The following MYO15B variants were observed in gnomAD, a reference collection of about 807,000 sequenced individuals.
MYO15B encodes myosin XVB, also known as myosin XVB pseudogene.
Under a neutral mutation model 119.3 loss-of-function variants are expected in MYO15B, and 207 were observed. That is an observed-to-expected ratio of 1.73 (90% CI 1.55 to 1.95). The LOEUF (loss-of-function observed/expected upper bound fraction) is 1.95. Among genes scored for constraint, MYO15B ranks in the 30% most tolerant of loss-of-function variants. MYO15B has a pLI of 0.00. For synonymous variants in MYO15B, 966 were observed against 498.9 expected (o/e 1.94, Z -12.48); for missense variants, 2,264 against 1,203.1 (o/e 1.88, Z -13.04).
chr17:75,592,452 G>A (rs1056625217), exon 8 of MYO15B: 2 of 614,454 alleles, frequency 3.3e-6, no homozygotes, highest in Admixed American at 2.8e-5. Flanking sequence ...GAGCTTCCAT[G>A]TTTTTTACAA....
rs2057339959 is a variant in MYO15B at position 75,602,387 on chromosome 17, A to G, written c.3652-130A>G. On this transcript the variant is annotated intron_variant, in intron 15 of 63. Coordinates refer to ENST00000645453, the Ensembl canonical transcript of MYO15B. ...CCCAAGGCTAGGTAAAGGGCTGGAA[A>G]CACCAAGGCAGCCTTTCAGGTCACC... The G allele has an allele frequency of 4.3e-6, 3 of 700,988 alleles. No individual in the cohort carries two copies. In the East Asian group the frequency reaches 8.1e-5, roughly 19 times the overall value. 43.4% of individuals were successfully genotyped at this position (700,988 alleles called of 1,614,324 possible).
At chr17:75,607,077 C>T in intron 21 of MYO15B, 1 of 397,552 alleles carries the variant, frequency 2.5e-6, no homozygotes, top group Non-Finnish European at 4.4e-6. Context: ...GGTAGAGCAG[C>T]CAGTGATCTT....
rs1413812828 is a variant in MYO15B, at chr17:75,610,268, G to T, written c.4386+9G>T. 5.8e-6 allele frequency: 4 copies of T among 694,812 alleles called. No homozygotes were observed. The highest frequency in any genetic ancestry group is 5.3e-5 in the African/African-American group (3 of 56,744). 43.0% of individuals were successfully genotyped at this position (694,812 alleles called of 1,614,324 possible). A position where few individuals can be genotyped will look rare whatever the true frequency, so the allele number is the denominator to read the frequency against. ...GGCGGCAGAGACTGCAGGTGCAGGG[G>T]CTTGGGTGGGGCGGTTCAGGGTAGA... On this transcript the variant is annotated intron_variant, in intron 22 of 63. Transcript: ENST00000645453.
intron 18 of MYO15B, 25 bp from the exon 19 acceptor site, chr17:75,603,163 C>T: frequency 1.4e-6 from 1 of 703,166 alleles, no homozygotes; most frequent in South Asian, 1.5e-5. Flanking sequence ...CTCCAGCTGT[C>T]TTTGGCTCTG....
intron 9 of MYO15B, 35 bp from the exon 10 acceptor site, chr17:75,594,440 A>G: frequency 1.7e-6 from 1 of 589,152 alleles, no homozygotes; most frequent in Admixed American, 3.1e-5. Context: ...CCATTCCTGA[A>G]GCAGAGATCT....
At chr17:75,623,960 C>T (rs1598936662) in exon 55 of MYO15B, 1 of 703,028 alleles carries the variant, frequency 1.4e-6, no homozygotes, top group East Asian at 2.7e-5. Flanking sequence ...GAACACTGCA[C>T]TCGAGGCTGG....
In MYO15B at chr17:75,591,592, C is replaced by T; in HGVS notation, c.2436-9C>T. 1 of 702,860 alleles carries T rather than the reference C, an allele frequency of 1.4e-6. No homozygotes were observed. The highest frequency in any genetic ancestry group is 2.6e-6 in the Non-Finnish European group (1 of 384,924). 43.5% of individuals were successfully genotyped at this position (702,860 alleles called of 1,614,324 possible). A position where few individuals can be genotyped will look rare whatever the true frequency, so the allele number is the denominator to read the frequency against. ...TCCCTGGAGACCCTACCAACCAACA[C>T]ATCCTTAGCTCCTCCCACTGCAGTG... On this transcript the variant is annotated splice_polypyrimidine_tract_variant and intron_variant, in intron 4 of 63. Transcript: ENST00000645453.
Position 75,610,563 on chromosome 17 carries a change from A to T in MYO15B, c.4386+304A>T, listed in dbSNP as rs2057962163. 3 of 493,698 alleles carry T rather than the reference A, an allele frequency of 6.1e-6. No homozygotes were observed. The Admixed American group carries it at 1.0e-4, about 17-fold the overall frequency. 30.6% of individuals were successfully genotyped at this position (493,698 alleles called of 1,614,324 possible). A position where few individuals can be genotyped will look rare whatever the true frequency, so the allele number is the denominator to read the frequency against. On this transcript the variant is annotated intron_variant, in intron 22 of 63. Transcript: ENST00000645453. ...GTCCGCTCCCCTCTTTTGCATGATG[A>T]CTCAAATCTAAGGTCTATAAAGCGA...
intron 9 of MYO15B, among the ~76,000 whole-genome samples, chr17:75,593,197 TA>T (rs5822094): frequency 0.28 from 20,787 of 73,652 alleles, 2,663 homozygotes; most frequent in African/African-American, 0.41. Flanking sequence ...CCGTCTCTAT[TA>T]AAAAAAAAAA....
Position 75,615,756 on chromosome 17 carries a change from C to T in MYO15B, c.5902C>T (p.Gln1968Ter), listed in dbSNP as rs1393498198. 1.4e-6 allele frequency: 1 copy of T among 701,466 alleles called. No homozygotes were observed. The highest frequency in any genetic ancestry group is 2.6e-6 in the Non-Finnish European group (1 of 384,306). The allele number at this position is 701,466 out of a possible 1,614,324, so 43.5% of individuals were successfully genotyped here. The change falls in exon 36 of 64, where the codon CAG becomes TAG. Residue 1968 changes from glutamine to a stop codon, truncating the protein, a stop_gained. Transcript: ENST00000645453. LOFTEE classifies it high-confidence loss of function. ...GGAGCAGCAGATGCAGCAGCGGCAG[C>T]AGCAGGCTCGGGCCTCCGAGGCTGC...
intron 53 of MYO15B, among the ~76,000 whole-genome samples, chr17:75,622,535 C>G: frequency 6.6e-6 from 1 of 152,174 alleles, no homozygotes. Flanking sequence ...CACCACAGGC[C>G]TTGTAGCCAT....
exon 12 of MYO15B, chr17:75,594,917 C>G: frequency 1.4e-6 from 1 of 703,078 alleles, no homozygotes; most frequent in Non-Finnish European, 2.6e-6. Flanking sequence ...CTGGCACCAC[C>G]AGGGGAGGGA....
chr17:75,615,766 G>T (rs947737411), exon 36 of MYO15B: 3 of 702,040 alleles, frequency 4.3e-6, no homozygotes, highest in Non-Finnish European at 7.8e-6. Context: ...CAGCAGGCTC[G>T]GGCCTCCGAG....
At chr17:75,592,769 G>A (rs1198071239) in exon 9 of MYO15B, 1 of 702,794 alleles carries the variant, frequency 1.4e-6, no homozygotes, top group Non-Finnish European at 2.6e-6. Flanking sequence ...GTGCCCAGAG[G>A]AGTTGAATGC....
chr17:75,610,968 C>T lies in MYO15B; in HGVS notation c.4446+9C>T, dbSNP rs2057988736. On this transcript the variant is annotated intron_variant, in intron 23 of 63. Transcript: ENST00000645453. ...AGAGAGTGCCAAGCATGGTAGGTGG[C>T]CTGGAAAGTGGGGGGTTTTACATGG... is the stretch of plus-strand genomic sequence containing the variant. The T allele has an allele frequency of 8.5e-6, 6 of 702,810 alleles. No individual in the cohort carries two copies. Among genetic ancestry groups the T allele is most frequent in the African/African-American group, 1.7e-5 (1 of 57,220 alleles). 43.5% of individuals were successfully genotyped at this position (702,810 alleles called of 1,614,324 possible). A position where few individuals can be genotyped will look rare whatever the true frequency, so the allele number is the denominator to read the frequency against.
At chr17:75,619,148 A>G (rs945696500) in exon 44 of MYO15B, 2 of 702,744 alleles carry the variant, frequency 2.8e-6, no homozygotes, top group Non-Finnish European at 5.2e-6. Flanking sequence ...CCCAGATCCT[A>G]CGGGACACCT....
Position 75,612,025 on chromosome 17 carries a change from C to T in MYO15B, c.4635+9C>T. 1.4e-6 allele frequency: 1 copy of T among 702,942 alleles called. No individual in the cohort carries two copies. Among genetic ancestry groups the T allele is most frequent in the Non-Finnish European group, 2.6e-6 (1 of 384,968 alleles). The allele number at this position is 702,942 out of a possible 1,614,324, so 43.5% of individuals were successfully genotyped here. ...TCGCCATCGGCTTTCAGGTGGGCGC[C>T]CAGGCCTAAGCTCTTCCCGCTGGCC... On this transcript the variant is annotated intron_variant, in intron 25 of 63. Transcript: ENST00000645453.
intron 48 of MYO15B, 47 bp downstream of exon 48, chr17:75,620,404 T>TGGCAGAGGCTGCCCGGG: frequency 1.4e-6 from 1 of 702,788 alleles, no homozygotes; most frequent in Non-Finnish European, 2.6e-6. Context: ...GGCATCCACT[T>TGGCAGAGGCTGCCCGGG]GGCAGAGGCT....
At chr17:75,613,339 C>G in exon 28 of MYO15B, 1 of 675,348 alleles carries the variant, frequency 1.5e-6, no homozygotes, top group Non-Finnish European at 2.7e-6. Context: ...GCTGTGCCAG[C>G]ACAAGCTGCT....
Sources: gnomAD v4.1 joint callset for allele counts (sites outside exome capture counted in the v4.1 genomes callset) on GRCh38, gnomAD v4.1.1 for gene constraint, MANE v1.5 for transcripts, NCBI Gene and HGNC (gene_info 2026-07-23, HGNC 2026-07-21) for gene names.